USP10: variants seen among roughly 807,000 people sequenced by gnomAD.
USP10 encodes ubiquitin carboxyl-terminal hydrolase 10.
Under a neutral mutation model 84.5 loss-of-function variants are expected in USP10, and 22 were observed. The ratio of observed to expected loss-of-function variants is 0.26; its 90% confidence interval spans 0.19 to 0.37. USP10 has a LOEUF of 0.37. Ranked by LOEUF, USP10 falls within the 10% of genes least tolerant of loss-of-function variation. USP10 has a pLI of 1.00. For missense variants in USP10, 1,019 were observed against 998.9 expected (o/e 1.02, Z -0.27); for synonymous variants, 454 against 387.6 (o/e 1.17, Z -2.01).
chr16:84,763,827 T>C (rs528624820), intron 9 of USP10, among the ~76,000 whole-genome samples: 1 of 151,458 alleles, frequency 6.6e-6, no homozygotes, highest in East Asian at 1.9e-4. Flanking sequence ...AGTGACGTTG[T>C]GCCTGTTGGG....
At chr16:84,706,740 C>T (rs1597263358) in intron 1 of USP10, among the ~76,000 whole-genome samples, 2 of 151,748 alleles carry the variant, frequency 1.3e-5, no homozygotes, top group Admixed American at 6.6e-5. Flanking sequence ...CGGGGTTTCA[C>T]GGTGTTAGCC....
At chr16:84,753,057 C>T (rs1350664212) in intron 4 of USP10, among the ~76,000 whole-genome samples, 1 of 152,078 alleles carries the variant, frequency 6.6e-6, no homozygotes, top group East Asian at 1.9e-4. Context: ...GCCTTGATCT[C>T]TCAGGCGCAG....
At chr16:84,766,828 G>A (rs1006042115) in intron 10 of USP10, among the ~76,000 whole-genome samples, 2 of 152,138 alleles carry the variant, frequency 1.3e-5, no homozygotes, top group African/African-American at 2.4e-5. Context: ...TTCTTACAAC[G>A]TAGGAACTTC....
chr16:84,737,377 A>G (rs1335690470), intron 2 of USP10, among the ~76,000 whole-genome samples: 2 of 152,230 alleles, frequency 1.3e-5, no homozygotes, highest in Non-Finnish European at 2.9e-5. Flanking sequence ...AAATAGTTAT[A>G]TAGTTAATGA....
At chr16:84,763,549 C>T (rs947385504) in intron 9 of USP10, among the ~76,000 whole-genome samples, 2 of 152,224 alleles carry the variant, frequency 1.3e-5, no homozygotes, top group African/African-American at 4.8e-5. Context: ...AACCACAGTC[C>T]CTTATCTAAC....
At chr16:84,730,757 A>G (rs1450726481) in intron 1 of USP10, among the ~76,000 whole-genome samples, 3 of 152,206 alleles carry the variant, frequency 2.0e-5, no homozygotes, top group African/African-American at 4.8e-5. Flanking sequence ...TAGGCTGTAT[A>G]TGAACTGAAA....
intron 2 of USP10, among the ~76,000 whole-genome samples, chr16:84,734,456 T>C (rs1909637551): frequency 6.6e-6 from 1 of 152,244 alleles, no homozygotes; most frequent in South Asian, 2.1e-4. Flanking sequence ...TTTATATCCC[T>C]TGTCCATATT....
chr16:84,766,618 C>T (rs1913892861), intron 10 of USP10, among the ~76,000 whole-genome samples: 1 of 152,170 alleles, frequency 6.6e-6, no homozygotes, highest in African/African-American at 2.4e-5. Flanking sequence ...AATTTCAAGG[C>T]CACAGAGGGT....
At chr16:84,740,577 A>G (rs1404843359) in intron 3 of USP10, among the ~76,000 whole-genome samples, 7 of 152,272 alleles carry the variant, frequency 4.6e-5, no homozygotes, top group African/African-American at 4.8e-5. Context: ...AGTGCCAGCC[A>G]TGTAAGATTT....
intron 1 of USP10, among the ~76,000 whole-genome samples, chr16:84,720,575 A>ATTTTTTTTTTTTT (rs1907650464): frequency 1.3e-5 from 1 of 75,722 alleles, no homozygotes; most frequent in Admixed American, 1.6e-4. Context: ...GATGATGCCC[A>ATTTTTTTTTTTTT]ATTTTTTTTT....
intron 1 of USP10, among the ~76,000 whole-genome samples, chr16:84,719,123 C>T (rs1907453342): frequency 6.6e-6 from 1 of 151,994 alleles, no homozygotes. Context: ...GTTGTTTTTG[C>T]CTTTATTAAC....
chr16:84,705,204 G>C (rs1905316099), intron 1 of USP10, among the ~76,000 whole-genome samples: 1 of 152,008 alleles, frequency 6.6e-6, no homozygotes, highest in Admixed American at 6.6e-5. Flanking sequence ...AAAAAGGTGA[G>C]TGTCCCCACT....
intron 1 of USP10, among the ~76,000 whole-genome samples, chr16:84,730,013 T>C (rs1488176786): frequency 6.6e-6 from 1 of 152,170 alleles, no homozygotes; most frequent in African/African-American, 2.4e-5. Context: ...AGTTGTAAGG[T>C]GATTTCTGTT....
At chr16:84,738,928 G>A (rs36081182) in intron 2 of USP10, among the ~76,000 whole-genome samples, 42,113 of 152,144 alleles carry the variant, frequency 0.28, 5,979 homozygotes, top group Middle Eastern at 0.4. Context: ...CCCTAGGGCC[G>A]TTCCTGCACT....
At chr16:84,720,384 A>T (rs1262204918) in intron 1 of USP10, among the ~76,000 whole-genome samples, 1 of 152,054 alleles carries the variant, frequency 6.6e-6, no homozygotes, top group Non-Finnish European at 1.5e-5. Context: ...GAAATACTAT[A>T]GTTTTGCTTC....
At chr16:84,727,678 A>C (rs1345368781) in intron 1 of USP10, among the ~76,000 whole-genome samples, 1 of 152,252 alleles carries the variant, frequency 6.6e-6, no homozygotes, top group Non-Finnish European at 1.5e-5. Context: ...ATACAGACAC[A>C]CAGACATGGG....
intron 1 of USP10, among the ~76,000 whole-genome samples, chr16:84,716,989 C>T (rs1862794): frequency 0.65 from 98,444 of 152,026 alleles, 32,556 homozygotes; most frequent in East Asian, 0.95. Context: ...AGTAGAGCTT[C>T]GGGATTACAT....
At chr16:84,775,559 G>T (rs986528340) in intron 13 of USP10, among the ~76,000 whole-genome samples, 2 of 152,234 alleles carry the variant, frequency 1.3e-5, no homozygotes, top group East Asian at 3.8e-4. Context: ...GGGTGACAGT[G>T]CTGTGGAGTT....
At chr16:84,735,903 C>G (rs1330032201) in intron 2 of USP10, among the ~76,000 whole-genome samples, 3 of 152,104 alleles carry the variant, frequency 2.0e-5, no homozygotes, top group Non-Finnish European at 2.9e-5. Context: ...CTTCAGGAAT[C>G]TGAATTATAA....
Sources: gnomAD v4.1 joint callset for allele counts (sites outside exome capture counted in the v4.1 genomes callset) on GRCh38, gnomAD v4.1.1 for gene constraint, MANE v1.5 for transcripts, NCBI Gene and HGNC (gene_info 2026-07-23, HGNC 2026-07-21) for gene names.